IFT25: variants seen among roughly 807,000 people sequenced by gnomAD.
The protein encoded by IFT25 is intraflagellar transport 25.
the IFT25 span, among the ~76,000 whole-genome samples, chr1:53,932,406 GC>G: frequency 6.6e-6 from 1 of 151,840 alleles, no homozygotes; most frequent in South Asian, 2.1e-4. Flanking sequence ...ATTTAGAAGT[GC>G]AGTGTTTAAT....
At chr1:53,941,288 C>T in the IFT25 span, among the ~76,000 whole-genome samples, 2 of 152,156 alleles carry the variant, frequency 1.3e-5, no homozygotes, top group South Asian at 2.1e-4. Flanking sequence ...CCACCGCGCC[C>T]GGCTTGCACA....
At chr1:53,921,381 G>A in the IFT25 span, among the ~76,000 whole-genome samples, 2 of 152,184 alleles carry the variant, frequency 1.3e-5, no homozygotes, top group African/African-American at 4.8e-5. Context: ...CAGAGTGGAT[G>A]CTGTGGGGAT....
At chr1:53,928,672 AGC>A in the IFT25 span, 1 of 425,036 alleles carries the variant, frequency 2.4e-6, no homozygotes. Context: ...GAGCAAGTAG[AGC>A]TTTTCTGAAT....
At chr1:53,938,766 A>C in the IFT25 span, among the ~76,000 whole-genome samples, 1 of 152,186 alleles carries the variant, frequency 6.6e-6, no homozygotes, top group African/African-American at 2.4e-5. Flanking sequence ...GAAAGTAGTA[A>C]GCCAGAACTA....
At chr1:53,931,307 G>A in the IFT25 span, among the ~76,000 whole-genome samples, 1 of 152,316 alleles carries the variant, frequency 6.6e-6, no homozygotes, top group South Asian at 2.1e-4. Context: ...TACTAAGAGT[G>A]GAATTGCTGG....
chr1:53,938,606 T>C, the IFT25 span, among the ~76,000 whole-genome samples: 1 of 152,284 alleles, frequency 6.6e-6, no homozygotes, highest in South Asian at 2.1e-4. Flanking sequence ...TGATTAAAAG[T>C]AGTACTTAAC....
At chr1:53,945,013 CT>C in the IFT25 span, among the ~76,000 whole-genome samples, 1 of 152,146 alleles carries the variant, frequency 6.6e-6, no homozygotes, top group South Asian at 2.1e-4. Context: ...ACGTGGTGTA[CT>C]TTAGAAAACA....
At chr1:53,917,043 C>G in the IFT25 span, 1 of 213,678 alleles carries the variant, frequency 4.7e-6, no homozygotes, top group Non-Finnish European at 9.2e-6. Context: ...CCTAGGGAGG[C>G]TGAGGCAGGA....
At chr1:53,921,604 T>C in the IFT25 span, 20 of 1,069,262 alleles carry the variant, frequency 1.9e-5, no homozygotes, top group Non-Finnish European at 2.9e-5. Flanking sequence ...GACAACTTCC[T>C]GTTTAAATAT....
At chr1:53,946,277 C>G in the IFT25 span, 1 of 151,970 alleles carries the variant, frequency 6.6e-6, no homozygotes, top group Non-Finnish European at 1.5e-5. Context: ...GTCGCCTGCC[C>G]TGGGCCTGGC....
the IFT25 span, chr1:53,945,432 G>C: frequency 2.0e-5 from 3 of 152,000 alleles, no homozygotes; most frequent in East Asian, 5.8e-4. Flanking sequence ...GCCTCCCGCC[G>C]CGCGTCTCTT....
chr1:53,915,213 A>G, the IFT25 span, among the ~76,000 whole-genome samples: 1 of 152,210 alleles, frequency 6.6e-6, no homozygotes, highest in African/African-American at 2.4e-5. Flanking sequence ...CTGAGGATAC[A>G]GTCATGAGCA....
the IFT25 span, among the ~76,000 whole-genome samples, chr1:53,932,296 T>C: frequency 1.3e-5 from 2 of 150,366 alleles, no homozygotes; most frequent in African/African-American, 4.9e-5. Flanking sequence ...ATTGCACCAC[T>C]GCACTCCAGC....
chr1:53,921,633 A>G, the IFT25 span: 1 of 1,379,844 alleles, frequency 7.2e-7, no homozygotes, highest in Non-Finnish European at 1.0e-6. Context: ...AAAATCATGC[A>G]AGAGCATTTT....
chr1:53,921,784 T>A, the IFT25 span: 1 of 1,494,946 alleles, frequency 6.7e-7, no homozygotes, highest in Non-Finnish European at 9.3e-7. Context: ...GGGAAAAAAA[T>A]CAATATAAAT....
the IFT25 span, among the ~76,000 whole-genome samples, chr1:53,933,372 G>C: frequency 6.6e-6 from 1 of 151,502 alleles, no homozygotes; most frequent in African/African-American, 2.4e-5. Flanking sequence ...CTGACCTCGT[G>C]ATCCGCCCGC....
chr1:53,933,866 T>C, the IFT25 span, among the ~76,000 whole-genome samples: 1 of 152,152 alleles, frequency 6.6e-6, no homozygotes, highest in Non-Finnish European at 1.5e-5. Flanking sequence ...TTTTTTTAGC[T>C]ATACCTCCTT....
At chr1:53,923,103 TG>T in the IFT25 span, among the ~76,000 whole-genome samples, 1 of 152,172 alleles carries the variant, frequency 6.6e-6, no homozygotes, top group Admixed American at 6.5e-5. Flanking sequence ...AGGACCTCAC[TG>T]GCCTCCCCAG....
the IFT25 span, among the ~76,000 whole-genome samples, chr1:53,912,779 C>T: frequency 6.6e-6 from 1 of 152,286 alleles, no homozygotes; most frequent in South Asian, 2.1e-4. Context: ...TTCAATGGTT[C>T]TCAAACTTGG....
Sources: allele counts gnomAD v4.1 joint callset (sites outside exome capture counted in the v4.1 genomes callset), GRCh38; gene constraint gnomAD v4.1.1; transcripts MANE v1.5; gene names NCBI Gene and HGNC (gene_info 2026-07-23, HGNC 2026-07-21).